The following CCT2 variants were observed in gnomAD, a reference collection of about 807,000 sequenced individuals.
CCT2 encodes the protein chaperonin containing TCP1 subunit 2, also known as T-complex protein 1 subunit beta.
Under a neutral mutation model 61.8 loss-of-function variants are expected in CCT2, and 18 were observed. The observed-to-expected ratio is 0.29, with a 90% confidence interval of 0.20 to 0.43. The LOEUF (loss-of-function observed/expected upper bound fraction) is 0.43, where lower values mean the gene tolerates loss of function less well. Ranked by LOEUF, CCT2 falls within the 20% of genes least tolerant of loss-of-function variation. CCT2 has a pLI of 1.00. For missense variants in CCT2, 556 were observed against 656.9 expected (o/e 0.85, Z 1.68); for synonymous variants, 248 against 215.9 (o/e 1.15, Z -1.30).
intron 10 of CCT2, among the ~76,000 whole-genome samples, chr12:69,596,265 C>T (rs897734711): frequency 3.3e-5 from 5 of 152,078 alleles, no homozygotes. Flanking sequence ...TTAGTAGTTT[C>T]AAAGACCAGA....
At chr12:69,601,138 G>C (rs1882135389) in intron 15 of CCT2, among the ~76,000 whole-genome samples, 157 bp from the exon 16 acceptor site, 1 of 152,188 alleles carries the variant, frequency 6.6e-6, no homozygotes, top group Admixed American at 6.5e-5. Context: ...TGGGGATTCA[G>C]TTTCAATGTG....
chr12:69,600,160 C>G (rs1882109920), intron 15 of CCT2, among the ~76,000 whole-genome samples, 156 bp downstream of exon 15: 2 of 152,092 alleles, frequency 1.3e-5, no homozygotes, highest in Admixed American at 1.3e-4. Context: ...AACACTTAAG[C>G]CAGAAAAACT....
intron 10 of CCT2, among the ~76,000 whole-genome samples, chr12:69,596,257 A>G (rs199972185): frequency 6.6e-6 from 1 of 152,232 alleles, no homozygotes; most frequent in East Asian, 1.9e-4. Flanking sequence ...AGTATAAATT[A>G]GTAGTTTCAA....
intron 15 of CCT2, among the ~76,000 whole-genome samples, chr12:69,600,621 G>C (rs1164066220): frequency 6.6e-6 from 1 of 151,844 alleles, no homozygotes; most frequent in Non-Finnish European, 1.5e-5. Context: ...CCCTGTGACA[G>C]CTGCTTCATA....
At chr12:69,598,615 TC>T in intron 14 of CCT2, among the ~76,000 whole-genome samples, 194 bp downstream of exon 14, 1 of 152,376 alleles carries the variant, frequency 6.6e-6, no homozygotes, top group East Asian at 1.9e-4. Flanking sequence ...ACTTTGTTAT[TC>T]CATAAGACAT....
chr12:69,597,393 A>G, intron 11 of CCT2, 118 bp downstream of exon 11: 2 of 1,271,020 alleles, frequency 1.6e-6, no homozygotes, highest in Non-Finnish European at 2.2e-6. Flanking sequence ...CTTCAGAAGC[A>G]TGATACATAC....
At chr12:69,589,806 A>G (rs940445719) in intron 7 of CCT2, 119 bp downstream of exon 7, 38 of 763,150 alleles carry the variant, frequency 5.0e-5, no homozygotes, top group Non-Finnish European at 6.8e-5. Context: ...ATTTAAGGAC[A>G]TATCATATGT....
Position 69,598,437 on chromosome 12 carries a change from G to T in CCT2, c.1435+16G>T. The T allele has an allele frequency of 6.7e-7, 1 of 1,493,790 alleles. No homozygotes were observed. The highest frequency in any genetic ancestry group is 9.0e-7 in the Non-Finnish European group (1 of 1,106,428). The allele number at this position is 1,493,790 out of a possible 1,614,324, so 92.5% of individuals were successfully genotyped here. A position where few individuals can be genotyped will look rare whatever the true frequency, so the allele number is the denominator to read the frequency against. On this transcript the variant is annotated intron_variant, in intron 14 of 15. Transcript: ENST00000299300. ...GCTGGATTGGGTAAGCAATCAAGGG[G>T]AACTTTGTGGCCGTTGTTAAAAGTA... is the stretch of plus-strand genomic sequence containing the variant.
intron 14 of CCT2, among the ~76,000 whole-genome samples, chr12:69,599,529 A>T (rs951089286): frequency 5.3e-5 from 8 of 152,086 alleles, no homozygotes; most frequent in African/African-American, 1.7e-4. Context: ...CTGGGATTAC[A>T]GGTGCCCACC....
rs1881719786 is a variant in CCT2 at position 69,588,152 on chromosome 12, A to G, written c.336A>G (p.Glu112=). 1 of 1,611,840 alleles carries G rather than the reference A, an allele frequency of 6.2e-7. No individual in the cohort carries two copies. Among genetic ancestry groups the G allele is most frequent in the South Asian group, 1.1e-5 (1 of 90,918 alleles). Residue 112 remains glutamate, a splice_region_variant and synonymous_variant, in exon 6 of 16, where the codon GAA becomes GAG. Transcript: ENST00000299300. Reference sequence around the variant, plus strand: ...TTGTTTTATAACTTTATTAATAGGAAGCAGAATCTTTAATTGCAAAAAAGA... The same window carrying G: ...TTGTTTTATAACTTTATTAATAGGAGGCAGAATCTTTAATTGCAAAAAAGA... ...VTVLAAELLR[E]AESLIAKKIH... is the part of the protein sequence containing the mutation.
chr12:69,588,713 T>C (rs1303729822), intron 6 of CCT2, among the ~76,000 whole-genome samples: 1 of 152,218 alleles, frequency 6.6e-6, no homozygotes, highest in Non-Finnish European at 1.5e-5. Context: ...CAAAGGTTTC[T>C]AGAAGTGTAA....
intron 10 of CCT2, among the ~76,000 whole-genome samples, chr12:69,595,978 A>G (rs1403621539): frequency 8.5e-5 from 13 of 152,340 alleles, no homozygotes; most frequent in Non-Finnish European, 1.8e-4. Flanking sequence ...AGGCTGAGGC[A>G]GAAAGATTGC....
At chr12:69,589,279 CCT>C (rs1779467838) in intron 6 of CCT2, 2 of 516,010 alleles carry the variant, frequency 3.9e-6, no homozygotes, top group Non-Finnish European at 3.2e-6. Context: ...GGCCCCCACC[CCT>C]CTTTTTTTTT....
At chr12:69,588,363 C>G in intron 6 of CCT2, 101 bp downstream of exon 6, 1 of 808,902 alleles carries the variant, frequency 1.2e-6, no homozygotes, top group Admixed American at 2.4e-5. Context: ...ACACAAAGAT[C>G]ATCTTGCTGC....
At chr12:69,593,871 C>T (rs929071153) in intron 10 of CCT2, among the ~76,000 whole-genome samples, 2 of 152,168 alleles carry the variant, frequency 1.3e-5, no homozygotes, top group East Asian at 3.9e-4. Context: ...GGTGCAGTGG[C>T]TTGTGCCTGT....
chr12:69,595,236 G>A (rs758326013), intron 10 of CCT2, among the ~76,000 whole-genome samples: 1 of 152,114 alleles, frequency 6.6e-6, no homozygotes, highest in African/African-American at 2.4e-5. Context: ...AAGCATAGTC[G>A]TCTTCTAACC....
Position 69,597,670 on chromosome 12 carries a change from A to G in CCT2, c.1135A>G (p.Thr379Ala), listed in dbSNP as rs1189330791. The G allele has an allele frequency of 6.2e-7, 1 of 1,613,820 alleles. No homozygotes were observed. The highest frequency in any genetic ancestry group is 2.2e-5 in the East Asian group (1 of 44,874). Residue 379 changes from threonine (T) to alanine (A), a missense_variant, in exon 12 of 16, where the codon ACT becomes GCT. This residue lies in a region of CCT2 where 225 missense variants were observed against 249.8 expected (regional missense o/e 0.90). Transcript: ENST00000299300. ...TTGTACCATTGTTTTGCGTGGTGCC[A>G]CTCAACAAATTTTAGATGAAGCAGA... is the stretch of plus-strand genomic sequence containing the variant. The part of the protein sequence containing the change: ...EACTIVLRGA[T>A]QQILDEAERS...
chr12:69,589,036 C>G (rs749344023), intron 6 of CCT2: 164 of 164,634 alleles, frequency 1.0e-3, no homozygotes, highest in Non-Finnish European at 1.6e-3. Flanking sequence ...TCAAGCGATT[C>G]TCTTGCCTCA....
At chr12:69,598,463 A>G (rs1202189294) in intron 14 of CCT2, 42 bp downstream of exon 14, 4 of 1,205,710 alleles carry the variant, frequency 3.3e-6, no homozygotes, top group Non-Finnish European at 4.7e-6. Context: ...GTTAAAAGTA[A>G]CTCTTTTCAC....
Sources: gnomAD v4.1 joint callset for allele counts (sites outside exome capture counted in the v4.1 genomes callset) on GRCh38, gnomAD v4.1.1 for gene constraint, gnomAD v4.1.1 regional missense constraint, MANE v1.5 for transcripts, NCBI Gene and HGNC (gene_info 2026-07-23, HGNC 2026-07-21) for gene names.